PCDHGA8: variants seen among roughly 807,000 people sequenced by gnomAD.
PCDHGA8 encodes the protein protocadherin gamma-A8.
Under a neutral mutation model 59.2 loss-of-function variants are expected in PCDHGA8, and 45 were observed. That is an observed-to-expected ratio of 0.76 (90% confidence interval 0.60 to 0.98). The LOEUF is 0.98. Among genes scored for constraint, PCDHGA8 ranks in the 50% least tolerant of loss-of-function variants. The pLI, the probability that PCDHGA8 is intolerant of heterozygous loss-of-function variation, is 0.00. For synonymous variants in PCDHGA8, 531 were observed against 519.0 expected, an observed-to-expected ratio of 1.02 and a Z score of -0.32; for missense variants, 1,257 against 1,196.2, an observed-to-expected ratio of 1.05 and a Z score of -0.75.
rs373516334 is a variant in PCDHGA8 at position 141,414,175 on chromosome 5, A to G, written c.2424+18938A>G. On this transcript the variant is annotated intron_variant, in intron 1 of 3. Transcript: ENST00000398604. ...AGAAGATGGAGGAGCATATCTTGCA[A>G]CTGCAAAAGTGTTGATTACAGTAGA... 1.6e-5 allele frequency: 25 copies of G among 1,607,698 alleles called. No homozygotes were observed. The highest frequency in any genetic ancestry group is 1.3e-4 in the South Asian group (12 of 90,242).
intron 1 of PCDHGA8, chr5:141,398,344 C>G (rs901692894): frequency 7.3e-7 from 1 of 1,372,066 alleles, no homozygotes; most frequent in African/African-American, 1.5e-5. Context: ...TTCGGAGAAG[C>G]CTTACTTCAC....
At position 141,397,489 on chromosome 5, in the gene PCDHGA8, A is replaced by G. The variant is rs568778994; in HGVS notation, c.2424+2252A>G. 3.3e-5 allele frequency among the ~76,000 whole-genome samples: 5 copies of G among 152,372 alleles called. No homozygotes were observed. In the East Asian group the frequency reaches 9.6e-4, roughly 29 times the overall value. ...GGAGTTGGAAATCATAGAAATGAAC[A>G]GAAGAATGATAAAATTGTTTCCATA... On this transcript the variant is annotated intron_variant, in intron 1 of 3. Coordinates refer to ENST00000398604, the MANE Select transcript of PCDHGA8 (RefSeq NM_032088.2).
Position 141,477,707 on chromosome 5 carries a change from C to T in PCDHGA8, c.2425-17100C>T. ...AGTGCCCCTAGACTATGAGGATCGG[C>T]GGGAATTTGAATTAACAGCTCATAT... On this transcript the variant is annotated intron_variant, in intron 1 of 3. Transcript: ENST00000398604. The surrounding 1 kb of genome is among the most constrained non-coding windows in gnomAD (Gnocchi z 4.9). 6.2e-7 allele frequency: 1 copy of T among 1,613,952 alleles called. No individual in the cohort carries two copies. Among genetic ancestry groups the T allele is most frequent in the South Asian group, 1.1e-5 (1 of 91,086 alleles).
intron 1 of PCDHGA8, chr5:141,478,730 G>A: frequency 6.5e-7 from 1 of 1,538,906 alleles, no homozygotes; most frequent in South Asian, 1.2e-5. Flanking sequence ...GCCAGAGTGT[G>A]GTTTGTGGTC....
intron 1 of PCDHGA8, among the ~76,000 whole-genome samples, chr5:141,460,672 TATATCTATATA>T (rs2098995194): frequency 6.6e-6 from 1 of 152,086 alleles, no homozygotes; most frequent in Admixed American, 6.6e-5. Flanking sequence ...AACACAGTTA[TATATCTATATA>T]TCCACCAACA....
In PCDHGA8 at chr5:141,418,449, A is replaced by G. The variant is rs781224972; in HGVS notation, c.2424+23212A>G. ...GGCAAATATCCAGAATTAGTATTGC[A>G]GAAGACTCTGGACCGAGAAACGCAG... On this transcript the variant is annotated intron_variant, in intron 1 of 3. Coordinates refer to ENST00000398604, the MANE Select transcript of PCDHGA8 (RefSeq NM_032088.2). 8.1e-6 allele frequency: 13 copies of G among 1,613,922 alleles called. No homozygotes were observed. The Admixed American group carries it at 1.2e-4, about 14-fold the overall frequency.
chr5:141,482,530 C>CAAAAAAAAAAAAAAAAA (rs3074545), intron 1 of PCDHGA8, among the ~76,000 whole-genome samples: 1 of 76,562 alleles, frequency 1.3e-5, no homozygotes, highest in African/African-American at 4.8e-5. Flanking sequence ...GACAGACATG[C>CAAAAAAAAAAAAAAAAA]AAAAAAAAAA....
chr5:141,471,204 C>T (rs1349368582), intron 1 of PCDHGA8: 2 of 151,866 alleles, frequency 1.3e-5, no homozygotes, highest in African/African-American at 4.8e-5. Flanking sequence ...CACCCACCCC[C>T]ATGCCTGGCA....
At chr5:141,422,942 G>A (rs199976232) in intron 1 of PCDHGA8, 5 of 1,614,096 alleles carry the variant, frequency 3.1e-6, no homozygotes, top group Non-Finnish European at 4.2e-6. Flanking sequence ...CCCACAGACG[G>A]CTCCACTGGC....
chr5:141,446,408 C>A (rs1211716327), intron 1 of PCDHGA8, among the ~76,000 whole-genome samples: 1 of 151,898 alleles, frequency 6.6e-6, no homozygotes, highest in African/African-American at 2.4e-5. Flanking sequence ...GAGTTGAGTT[C>A]CAGCCATGTT....
chr5:141,440,902 G>C (rs138147244), intron 1 of PCDHGA8: 1 of 152,110 alleles, frequency 6.6e-6, no homozygotes, highest in Admixed American at 6.6e-5. Context: ...ATGTGCATCC[G>C]GGCACTCCTG....
chr5:141,394,326 A>G lies in PCDHGA8; in HGVS notation c.1513A>G (p.Ile505Val). The G allele has an allele frequency of 6.2e-7, 1 of 1,613,902 alleles. No homozygotes were observed. The highest frequency in any genetic ancestry group is 8.5e-7 in the Non-Finnish European group (1 of 1,179,900). ...GCAGGGGGCGCCCCTGTCCTCGTAT[A>G]TCTCCATCAACTCTGACACCGGTGT... is the stretch of plus-strand genomic sequence containing the variant. Reference protein sequence around the residue: ...TLQGAPLSSYISINSDTGVLY... With the variant: ...TLQGAPLSSYVSINSDTGVLY... Residue 505 changes from isoleucine to valine, a missense_variant, in exon 1 of 4, where the codon ATC (isoleucine) becomes GTC (valine). Coordinates refer to ENST00000398604, the MANE Select transcript of PCDHGA8 (RefSeq NM_032088.2).
In PCDHGA8 at chr5:141,495,640, G is replaced by A. The variant is rs149177775; in HGVS notation, c.2483+775G>A. 1.2e-3 allele frequency among the ~76,000 whole-genome samples: 177 copies of A among 152,150 alleles called. 1 individual carries two copies. The highest frequency in any genetic ancestry group is 4.1e-3 in the African/African-American group (171 of 41,498). ...ACCTCAGCCTCAGTCCCTTTCATTT[G>A]TCTACTTGCATTGATCTGTGCCGCC... On this transcript the variant is annotated intron_variant, in intron 2 of 3. Transcript: ENST00000398604.
chr5:141,478,127 C>T (rs1323163663), intron 1 of PCDHGA8: 1 of 1,613,988 alleles, frequency 6.2e-7, no homozygotes, highest in Admixed American at 1.7e-5. Flanking sequence ...CGAGGACTCT[C>T]CTGAAGCCCG....
intron 1 of PCDHGA8, chr5:141,414,679 G>T: frequency 6.2e-7 from 1 of 1,613,960 alleles, no homozygotes; most frequent in South Asian, 1.1e-5. Context: ...CACCATCCAG[G>T]GGGTACCTCT....
At position 141,420,090 on chromosome 5, in the gene PCDHGA8, G is replaced by A. The variant is rs779478924; in HGVS notation, c.2424+24853G>A. 4.2e-5 allele frequency: 68 copies of A among 1,613,932 alleles called. No individual in the cohort carries two copies. Among genetic ancestry groups the A allele is most frequent in the Non-Finnish European group, 5.7e-5 (67 of 1,179,886 alleles). On this transcript the variant is annotated intron_variant, in intron 1 of 3. Coordinates refer to ENST00000398604, the MANE Select transcript of PCDHGA8 (RefSeq NM_032088.2). ...GGACCTGTGGGTCCCCCCAACTACA[G>A]TGAGGGAACGTTGCCCTATGCCTAT...
chr5:141,489,250 A>C lies in PCDHGA8; in HGVS notation c.2425-5557A>C. 1 of 1,546,554 alleles carries C rather than the reference A, an allele frequency of 6.5e-7. No individual in the cohort carries two copies. The highest frequency in any genetic ancestry group is 8.7e-7 in the Non-Finnish European group (1 of 1,146,722). On this transcript the variant is annotated intron_variant, in intron 1 of 3. Transcript: ENST00000398604. This position sits in a 1 kb window ranked among gnomAD's most constrained non-coding sequence, Gnocchi z 4.5. The stretch of plus-strand genomic sequence containing the variant: ...AAGGGACTTCTGGGTCATGGGGCCC[A>C]AGACACTCCCACAGCTCGCTGGGAA...
rs1420097652 is a variant in PCDHGA8, at chr5:141,394,299, C to T, written c.1486C>T (p.Leu496=). 6.2e-7 allele frequency: 1 copy of T among 1,613,884 alleles called. No homozygotes were observed. The highest frequency in any genetic ancestry group is 8.5e-7 in the Non-Finnish European group (1 of 1,179,890). The part of the protein sequence containing the change: ...QVTYSVTEDT[L]QGAPLSSYIS... ...CACTTACTCTGTGACCGAGGACACG[C>T]TGCAGGGGGCGCCCCTGTCCTCGTA... The change falls in exon 1 of 4, where the codon CTG becomes TTG. Residue 496 remains leucine, a synonymous_variant. Coordinates refer to ENST00000398604, the MANE Select transcript of PCDHGA8 (RefSeq NM_032088.2).
intron 1 of PCDHGA8, chr5:141,430,735 A>T (rs1255723102): frequency 6.7e-7 from 1 of 1,497,964 alleles, no homozygotes; most frequent in Non-Finnish European, 8.9e-7. Context: ...GGCAGAATTG[A>T]AAATAATTCT....
Sources: allele counts gnomAD v4.1 joint callset (sites outside exome capture counted in the v4.1 genomes callset), GRCh38; gene constraint gnomAD v4.1.1; non-coding constraint Gnocchi (gnomAD v3.1); transcripts MANE v1.5; gene names NCBI Gene and HGNC (gene_info 2026-07-23, HGNC 2026-07-21).